Variants in SPNS3 observed in about 807,000 individuals in gnomAD.
SPNS3 encodes the protein SPNS lysolipid transporter 3, sphingosine-1-phosphate (putative).
SPNS3 carries 51 observed loss-of-function variants against 54.4 expected under a neutral mutation model. The observed-to-expected ratio is 0.94, with a 90% CI of 0.75 to 1.18. SPNS3 has a LOEUF of 1.18. Among genes scored for constraint, SPNS3 ranks in the 50% most tolerant of loss-of-function variants. SPNS3 has a pLI of 0.00. For missense variants in SPNS3, 669 were observed against 677.4 expected, an observed-to-expected ratio of 0.99 and a Z score of 0.14; for synonymous variants, 309 against 294.7, an observed-to-expected ratio of 1.05 and a Z score of -0.50.
chr17:4,470,419 C>T (rs895163580), intron 8 of SPNS3, among the ~76,000 whole-genome samples: 19 of 152,032 alleles, frequency 1.2e-4, no homozygotes, highest in African/African-American at 4.3e-4. Context: ...CAGAGCAAGA[C>T]CCTGTCTTAA....
chr17:4,453,173 G>C lies in SPNS3; in HGVS notation c.1081G>C (p.Val361Leu). ...AGCCCCCTGCCTCTACCTGGCTCTCGTCCTGGCCCCGACCACCCTGCTGGC... is the reference window on the plus strand; with the variant it reads ...AGCCCCCTGCCTCTACCTGGCTCTCCTCCTGGCCCCGACCACCCTGCTGGC... ...ATAPCLYLAL[V>L]LAPTTLLASY... is the part of the protein sequence containing the mutation. Residue 361 changes from valine (V) to leucine (L), a missense_variant, in exon 8 of 12, where the codon GTC becomes CTC. Val to Leu is a conservative substitution (Grantham distance 32, BLOSUM62 1). Transcript: ENST00000355530. 6.2e-7 allele frequency: 1 copy of C among 1,613,640 alleles called. No homozygotes were observed. Among genetic ancestry groups the C allele is most frequent in the South Asian group, 1.1e-5 (1 of 91,076 alleles).
chr17:4,456,497 G>T (rs1214512790), intron 8 of SPNS3, among the ~76,000 whole-genome samples: 1 of 152,118 alleles, frequency 6.6e-6, no homozygotes, highest in Non-Finnish European at 1.5e-5. Flanking sequence ...TGACACTTTT[G>T]TGGGGAAGGT....
At chr17:4,452,993 C>T (rs370075763) in intron 7 of SPNS3, 23 bp from the exon 8 acceptor site, 4 of 1,604,264 alleles carry the variant, frequency 2.5e-6, no homozygotes, top group South Asian at 1.1e-5. Flanking sequence ...GCTGACCAAC[C>T]CTTCTGTGCT....
chr17:4,441,948 G>A (rs1351474874), intron 2 of SPNS3, among the ~76,000 whole-genome samples: 1 of 149,170 alleles, frequency 6.7e-6, no homozygotes, highest in Admixed American at 6.7e-5. Flanking sequence ...TAGTGGTCAA[G>A]ATTATTACTA....
At chr17:4,445,375 CTTT>C (rs150794166) in intron 3 of SPNS3, among the ~76,000 whole-genome samples, 9,175 of 142,108 alleles carry the variant, frequency 0.065, 876 homozygotes, top group African/African-American at 0.22. Context: ...AGCTGGTGGA[CTTT>C]TTTTTTTTTT....
chr17:4,441,649 T>A (rs1342829426), intron 2 of SPNS3, among the ~76,000 whole-genome samples: 1 of 152,044 alleles, frequency 6.6e-6, no homozygotes, highest in African/African-American at 2.4e-5. Context: ...CAGGCTGGAG[T>A]GCAATGGCAT....
chr17:4,449,217 G>T lies in SPNS3; in HGVS notation c.771-18G>T. On this transcript the variant is annotated intron_variant, in intron 6 of 11. Transcript: ENST00000355530. ...CCCAGCCCTCTCCCAACTCCAGCTG[G>T]GGCACCTCGTCTTGCAGCTGGAGTT... The T allele has an allele frequency of 6.2e-7, 1 of 1,607,798 alleles. No individual in the cohort carries two copies.
intron 8 of SPNS3, among the ~76,000 whole-genome samples, chr17:4,459,047 C>T (rs1263219800): frequency 6.6e-6 from 1 of 152,140 alleles, no homozygotes; most frequent in Non-Finnish European, 1.5e-5. Context: ...ATCCTCACTC[C>T]CTTCTCCATG....
In SPNS3 at chr17:4,483,240, C is replaced by T. The variant is rs1972220517; in HGVS notation, c.1180-2988C>T. Among the ~76,000 whole-genome samples the T allele has an allele frequency of 6.6e-6, 1 of 152,186 alleles. No homozygotes were observed. Among genetic ancestry groups the T allele is most frequent in the Non-Finnish European group, 1.5e-5 (1 of 68,030 alleles). ...AAGCCCTTGGGTGGCCCTGGTTTCG[C>T]CCTCGGCTATAAAGGGAACGGCCCT... is the stretch of plus-strand genomic sequence containing the variant. On this transcript the variant is annotated intron_variant, in intron 9 of 11. Transcript: ENST00000355530. This position sits in a 1 kb window ranked among gnomAD's most constrained non-coding sequence, Gnocchi z 4.2.
rs569776640 is a variant in SPNS3, at chr17:4,459,032, T to A, written c.1113+5827T>A. On this transcript the variant is annotated intron_variant, in intron 8 of 11. Coordinates refer to ENST00000355530, the MANE Select transcript of SPNS3 (RefSeq NM_182538.5). Reference sequence around the variant, plus strand: ...GTCATTCCTCCCCTCTCCCTCTCTTTCCCCATCCTCACTCCCTTCTCCATG... The same window carrying A: ...GTCATTCCTCCCCTCTCCCTCTCTTACCCCATCCTCACTCCCTTCTCCATG... Among the ~76,000 whole-genome samples, 16 of 152,150 alleles carry A rather than the reference T, an allele frequency of 1.1e-4. No homozygotes were observed. In the East Asian group the frequency reaches 1.9e-3, roughly 18 times the overall value.
At chr17:4,447,438 G>T (rs965986482) in intron 5 of SPNS3, among the ~76,000 whole-genome samples, 1 of 152,234 alleles carries the variant, frequency 6.6e-6, no homozygotes, top group Non-Finnish European at 1.5e-5. Context: ...TCCAACGTGG[G>T]CATGGAGAGG....
intron 5 of SPNS3, among the ~76,000 whole-genome samples, chr17:4,447,438 G>A (rs965986482): frequency 2.0e-5 from 3 of 152,234 alleles, no homozygotes; most frequent in Admixed American, 2.0e-4. Context: ...TCCAACGTGG[G>A]CATGGAGAGG....
intron 1 of SPNS3, among the ~76,000 whole-genome samples, chr17:4,436,477 G>A (rs1047586880): frequency 7.9e-5 from 12 of 150,986 alleles, no homozygotes; most frequent in Admixed American, 2.6e-4. Context: ...TCAGCCTCTC[G>A]GGAGGCTGAA....
At chr17:4,438,940 C>CTG (rs35255085) in intron 1 of SPNS3, among the ~76,000 whole-genome samples, 7,097 of 149,356 alleles carry the variant, frequency 0.048, 217 homozygotes, top group Middle Eastern at 0.12. Context: ...GAGTGAGTTC[C>CTG]TGTGTGTGTG....
chr17:4,472,774 C>CATTTTTTTTTTTTTTTTTTTT (rs1567572187), intron 8 of SPNS3, among the ~76,000 whole-genome samples: 7 of 50,942 alleles, frequency 1.4e-4, no homozygotes, highest in African/African-American at 6.2e-4. Flanking sequence ...GCTTGGCAGC[C>CATTTTTTTTTTTTTTTTTTTT]TTTTTTTTTT....
At chr17:4,434,650 C>T (rs898899328) in intron 1 of SPNS3, among the ~76,000 whole-genome samples, 12 of 151,498 alleles carry the variant, frequency 7.9e-5, no homozygotes, top group Non-Finnish European at 1.5e-4. Context: ...GCGTGCACCA[C>T]CACATCCGGC....
chr17:4,482,854 G>A (rs1210420818), intron 9 of SPNS3, among the ~76,000 whole-genome samples: 1 of 152,198 alleles, frequency 6.6e-6, no homozygotes, highest in African/African-American at 2.4e-5. Flanking sequence ...GCAGGGGACA[G>A]TGTAAGCAAA....
intron 9 of SPNS3, among the ~76,000 whole-genome samples, chr17:4,480,112 G>T (rs1224806378): frequency 2.6e-5 from 4 of 152,294 alleles, no homozygotes; most frequent in African/African-American, 9.6e-5. Flanking sequence ...CTCCCCGGCA[G>T]ATCCCCTGAC....
intron 8 of SPNS3, among the ~76,000 whole-genome samples, chr17:4,477,770 A>C (rs1258184012): frequency 6.6e-6 from 1 of 151,516 alleles, no homozygotes; most frequent in East Asian, 1.9e-4. Flanking sequence ...GGCCTCGCCC[A>C]CCTCCCTGTG....
Sources: gnomAD v4.1 joint callset for allele counts (sites outside exome capture counted in the v4.1 genomes callset) on GRCh38, gnomAD v4.1.1 for gene constraint, Gnocchi (gnomAD v3.1) non-coding constraint, MANE v1.5 for transcripts, NCBI Gene and HGNC (gene_info 2026-07-23, HGNC 2026-07-21) for gene names.